Variants in COA7 observed in about 807,000 individuals in gnomAD.
The protein encoded by COA7 is Sel1 repeat containing 1.
A neutral mutation model predicts 21.0 loss-of-function variants in COA7; 12 were observed. That is an observed-to-expected ratio of 0.57 (90% CI 0.37 to 0.92). The LOEUF (loss-of-function observed/expected upper bound fraction) is 0.92. COA7 is among the 40% of genes least tolerant of loss of function. The pLI, the probability that COA7 is intolerant of heterozygous loss-of-function variation, is 0.01. For synonymous variants in COA7, 95 were observed against 107.4 expected, an observed-to-expected ratio of 0.88 and a Z score of 0.72; for missense variants, 240 against 286.1, an observed-to-expected ratio of 0.84 and a Z score of 1.16.
At chr1:52,691,413 CAA>C (rs745896369) in intron 2 of COA7, among the ~76,000 whole-genome samples, 18 of 74,384 alleles carry the variant, frequency 2.4e-4, no homozygotes, top group Non-Finnish European at 2.3e-4. Flanking sequence ...GATCCTGTCA[CAA>C]AAAAAAAAAA....
chr1:52,692,034 G>C (rs898261483), intron 2 of COA7, among the ~76,000 whole-genome samples: 15 of 152,146 alleles, frequency 9.9e-5, no homozygotes, highest in African/African-American at 3.6e-4. Context: ...ATGTCATGAC[G>C]ATCTGAGCTC....
Position 52,688,059 on chromosome 1 carries a change from A to G in COA7, c.357T>C (p.His119=), listed in dbSNP as rs780764355. 1 of 1,614,140 alleles carries G rather than the reference A, an allele frequency of 6.2e-7. No homozygotes were observed. Among genetic ancestry groups the G allele is most frequent in the Admixed American group, 1.7e-5 (1 of 60,000 alleles). The change falls in exon 3 of 3, where the codon CAT becomes CAC. Residue 119 remains histidine (H), a synonymous_variant. Transcript: ENST00000371538. ...AACHNVGLLA[H]DGQVNEDGQP... is the part of the protein sequence containing the mutation. ...GGCCATCCTCATTAACCTGTCCATC[A>G]TGTGCCAGGAGGCCAACGTTGTGAC... is the stretch of plus-strand genomic sequence containing the variant.
At chr1:52,688,230 G>A in intron 2 of COA7, 62 bp from the exon 3 acceptor site, 13 of 1,364,132 alleles carry the variant, frequency 9.5e-6, no homozygotes, top group Non-Finnish European at 1.3e-5. Context: ...AATGTCTCAG[G>A]CCAAAGTCAG....
intron 2 of COA7, among the ~76,000 whole-genome samples, chr1:52,691,900 A>C (rs937951555): frequency 6.6e-6 from 1 of 152,206 alleles, no homozygotes; most frequent in African/African-American, 2.4e-5. Context: ...AAAGTGTGTG[A>C]CTTCCAAAGA....
At chr1:52,691,308 GGA>G (rs1644044891) in intron 2 of COA7, among the ~76,000 whole-genome samples, 2 of 152,000 alleles carry the variant, frequency 1.3e-5, no homozygotes, top group South Asian at 2.1e-4. Context: ...CAGCCACTGG[GGA>G]GGCTGAGGCA....
chr1:52,690,245 G>A (rs1288214026), intron 2 of COA7, among the ~76,000 whole-genome samples: 2 of 151,940 alleles, frequency 1.3e-5, no homozygotes, highest in East Asian at 3.9e-4. Context: ...TTGTGTGTGT[G>A]CAAAACTTCA....
intron 1 of COA7, among the ~76,000 whole-genome samples, chr1:52,695,743 T>C (rs1379382703): frequency 6.6e-6 from 1 of 152,194 alleles, no homozygotes; most frequent in African/African-American, 2.4e-5. Context: ...ACTTCAGTTA[T>C]CCAGGTAAGA....
At chr1:52,697,017 G>A (rs180944561) in intron 1 of COA7, among the ~76,000 whole-genome samples, 4 of 152,186 alleles carry the variant, frequency 2.6e-5, no homozygotes, top group African/African-American at 2.4e-5. Context: ...GCTGAGGCAG[G>A]AGAATTGCTT....
intron 1 of COA7, chr1:52,697,888 G>C (rs1644095790): frequency 4.0e-6 from 1 of 253,110 alleles, no homozygotes; most frequent in Non-Finnish European, 7.6e-6. Context: ...TACTACTTTC[G>C]AACACGATTT....
Position 52,687,781 on chromosome 1 carries a change from T to A in COA7, c.635A>T (p.Asn212Ile), listed in dbSNP as rs1356688682. The A allele has an allele frequency of 6.2e-7, 1 of 1,613,754 alleles. No individual in the cohort carries two copies. Among genetic ancestry groups the A allele is most frequent in the East Asian group, 2.2e-5 (1 of 44,884 alleles). ...KDEAKAEVLK[N>I]RAQQLHKEQQ... ...TTCTTTGTGTAGCTGCTGGGCTCGA[T>A]TTTTTAGCACCTCGGCCTTGGCCTC... is the stretch of plus-strand genomic sequence containing the variant. The change falls in exon 3 of 3, where the codon AAT (asparagine) becomes ATT (isoleucine). Residue 212 changes from asparagine to isoleucine, a missense_variant. Asn to Ile is a moderately radical substitution (Grantham distance 149). Coordinates refer to ENST00000371538, the MANE Select transcript of COA7 (RefSeq NM_023077.3).
rs576772211 is a variant in COA7, at chr1:52,687,201, G to C, written c.*519C>G. ...ATGTAAGTCAGAGGGTGGTAGTTGT[G>C]ACTATTTAACTGTTCTTAGTTCTTT... is the stretch of plus-strand genomic sequence containing the variant. On this transcript the variant is annotated 3_prime_UTR_variant, in exon 3 of 3. Coordinates refer to ENST00000371538, the MANE Select transcript of COA7 (RefSeq NM_023077.3). 1 of 158,158 alleles carries C rather than the reference G, an allele frequency of 6.3e-6. No individual in the cohort carries two copies. The highest frequency in any genetic ancestry group is 1.9e-4 in the East Asian group (1 of 5,396). 9.8% of individuals were successfully genotyped at this position (158,158 alleles called of 1,614,324 possible).
intron 2 of COA7, 151 bp downstream of exon 2, chr1:52,692,576 C>CA: frequency 1.2e-6 from 1 of 838,718 alleles, no homozygotes; most frequent in Non-Finnish European, 1.9e-6. Context: ...TTCTTCCCCC[C>CA]ATCACTCTGC....
chr1:52,687,648 C>CTGCA lies in COA7; in HGVS notation c.*68_*71dup, dbSNP rs1644015163. ...GCTCCAGCAGGTTGACCTTCAAGGG[C>CTGCA]TGCATCAGTCTTCAGAAACAGGAGC... is the stretch of plus-strand genomic sequence containing the variant. On this transcript the variant is annotated 3_prime_UTR_variant, in exon 3 of 3. Transcript: ENST00000371538. 1.4e-6 allele frequency: 2 copies of CTGCA among 1,475,094 alleles called. No homozygotes were observed. Among genetic ancestry groups the CTGCA allele is most frequent in the South Asian group, 2.6e-5 (2 of 78,416 alleles). The allele number at this position is 1,475,094 out of a possible 1,614,324, so 91.4% of individuals were successfully genotyped here.
chr1:52,688,193 A>C, intron 2 of COA7, 25 bp from the exon 3 acceptor site: 1 of 1,589,502 alleles, frequency 6.3e-7, no homozygotes, highest in African/African-American at 1.3e-5. Flanking sequence ...AGTAGGAAAA[A>C]ATAAACCCAA....
chr1:52,691,478 T>A (rs946386427), intron 2 of COA7, among the ~76,000 whole-genome samples: 3 of 150,846 alleles, frequency 2.0e-5, no homozygotes, highest in African/African-American at 7.3e-5. Flanking sequence ...GTGTTTTTTT[T>A]TTTTTTTTTG....
At chr1:52,692,962 G>A (rs751506163) in intron 1 of COA7, 95 bp from the exon 2 acceptor site, 80 of 1,375,996 alleles carry the variant, frequency 5.8e-5, no homozygotes, top group Middle Eastern at 1.9e-4. Context: ...GGCAGGCCAG[G>A]TGATGTCTTT....
chr1:52,692,455 C>T (rs1644054379), intron 2 of COA7, among the ~76,000 whole-genome samples: 1 of 152,156 alleles, frequency 6.6e-6, no homozygotes, highest in African/African-American at 2.4e-5. Context: ...AGTACTATTT[C>T]CCTCCAATTT....
chr1:52,696,794 A>C (rs2149906246), intron 1 of COA7, among the ~76,000 whole-genome samples: 1 of 143,292 alleles, frequency 7.0e-6, no homozygotes. Flanking sequence ...GTGCCACCAC[A>C]CCAGTCCTTT....
rs1184195241 is a variant in COA7, at chr1:52,686,372, C to T, written c.*1348G>A. The T allele has an allele frequency of 6.6e-6, 1 of 152,090 alleles. No homozygotes were observed. The highest frequency in any genetic ancestry group is 1.5e-5 in the Non-Finnish European group (1 of 68,036). The allele number at this position is 152,090 out of a possible 1,614,324, so 9.4% of individuals were successfully genotyped here. A position where few individuals can be genotyped will look rare whatever the true frequency, so the allele number is the denominator to read the frequency against. On this transcript the variant is annotated 3_prime_UTR_variant, in exon 3 of 3. Transcript: ENST00000371538. Reference sequence around the variant, plus strand: ...GGAAGCCTAAAACAGTAGATGGTGACAGAATGGTATTGTTACCAGCAGGGA... The same window carrying T: ...GGAAGCCTAAAACAGTAGATGGTGATAGAATGGTATTGTTACCAGCAGGGA...
Sources: allele counts gnomAD v4.1 joint callset (sites outside exome capture counted in the v4.1 genomes callset), GRCh38; gene constraint gnomAD v4.1.1; transcripts MANE v1.5; gene names NCBI Gene and HGNC (gene_info 2026-07-23, HGNC 2026-07-21).